KAZN: variants seen among roughly 807,000 people sequenced by gnomAD.
The protein encoded by KAZN is kazrin.
A neutral mutation model predicts 87.4 loss-of-function variants in KAZN; 40 were observed. That is an observed-to-expected ratio of 0.46 (90% confidence interval 0.36 to 0.60). The LOEUF (loss-of-function observed/expected upper bound fraction) is 0.60. KAZN is among the 20% of genes least tolerant of loss of function. The pLI is 0.00. For missense variants in KAZN, 898 were observed against 1,073.9 expected (o/e 0.84, Z 2.29); for synonymous variants, 466 against 458.3 (o/e 1.02, Z -0.22).
intron 1 of KAZN, among the ~76,000 whole-genome samples, chr1:14,654,963 TG>T (rs1638694357): frequency 6.6e-6 from 1 of 152,164 alleles, no homozygotes; most frequent in African/African-American, 2.4e-5. Context: ...CAAGAGTAGC[TG>T]GGGGGCCCAC....
intron 1 of KAZN, among the ~76,000 whole-genome samples, chr1:14,702,068 A>C (rs1319568703): frequency 6.6e-6 from 1 of 152,114 alleles, no homozygotes; most frequent in Non-Finnish European, 1.5e-5. Context: ...ATATGAGTAC[A>C]TGGGTCTGCT....
intron 1 of KAZN, among the ~76,000 whole-genome samples, chr1:14,909,202 C>T (rs1656959496): frequency 6.6e-6 from 1 of 152,176 alleles, no homozygotes; most frequent in African/African-American, 2.4e-5. Context: ...GGTTTGGCGG[C>T]ACATGGTAAG....
intron 2 of KAZN, among the ~76,000 whole-genome samples, chr1:14,442,420 T>C (rs1388887112): frequency 6.6e-6 from 1 of 152,178 alleles, no homozygotes; most frequent in Non-Finnish European, 1.5e-5. Flanking sequence ...TCATAGAAGC[T>C]CACTATGCCC....
intron 1 of KAZN, among the ~76,000 whole-genome samples, chr1:14,940,929 T>C (rs1367016363): frequency 1.9e-3 from 224 of 116,932 alleles, no homozygotes; most frequent in African/African-American, 7.2e-3. Flanking sequence ...TTTTTTTTTT[T>C]CTGAGAGACG....
At chr1:15,108,459 G>A (rs376883162) in intron 13 of KAZN, among the ~76,000 whole-genome samples, 20 of 152,182 alleles carry the variant, frequency 1.3e-4, no homozygotes, top group African/African-American at 4.6e-4. Context: ...TCTGAGCCAC[G>A]GTTTTTTCAG....
intron 2 of KAZN, among the ~76,000 whole-genome samples, chr1:14,974,551 A>G (rs1015649019): frequency 6.6e-6 from 1 of 152,212 alleles, no homozygotes; most frequent in African/African-American, 2.4e-5. Flanking sequence ...TTTAATAGCC[A>G]AAAACTGGAA....
At chr1:13,997,007 A>G (rs193301757) in intron 1 of KAZN, among the ~76,000 whole-genome samples, 2 of 152,318 alleles carry the variant, frequency 1.3e-5, no homozygotes, top group African/African-American at 4.8e-5. Flanking sequence ...AGGAGCAGGC[A>G]CCTGCCTTTG....
intron 5 of KAZN, among the ~76,000 whole-genome samples, chr1:15,058,142 C>G (rs1638469584): frequency 6.6e-6 from 1 of 152,230 alleles, no homozygotes; most frequent in African/African-American, 2.4e-5. Flanking sequence ...GCTGTTGATG[C>G]ATTTGTCACA....
intron 2 of KAZN, among the ~76,000 whole-genome samples, chr1:14,444,970 T>A (rs1241630148): frequency 6.6e-6 from 1 of 151,942 alleles, no homozygotes; most frequent in Admixed American, 6.6e-5. Flanking sequence ...GAGAAAGAGG[T>A]CTTTAATCAA....
chr1:14,971,771 T>C (rs1223241351), intron 2 of KAZN, among the ~76,000 whole-genome samples: 1 of 141,534 alleles, frequency 7.1e-6, no homozygotes, highest in East Asian at 2.3e-4. Context: ...AAGCTCCGCC[T>C]CCCGGGTTCA....
chr1:14,523,937 G>A (rs1471794497), intron 2 of KAZN, among the ~76,000 whole-genome samples: 1 of 152,238 alleles, frequency 6.6e-6, no homozygotes, highest in African/African-American at 2.4e-5. Flanking sequence ...AGCTAAGGGA[G>A]AGCGAGGTGT....
At chr1:14,540,140 T>C (rs1571891860) in intron 2 of KAZN, among the ~76,000 whole-genome samples, 1 of 152,158 alleles carries the variant, frequency 6.6e-6, no homozygotes, top group East Asian at 1.9e-4. Flanking sequence ...TCACTTCACT[T>C]TATCATCCCC....
intron 2 of KAZN, among the ~76,000 whole-genome samples, chr1:14,361,344 A>G: frequency 6.6e-6 from 1 of 152,214 alleles, no homozygotes; most frequent in East Asian, 1.9e-4. Context: ...GAGAATTTCA[A>G]GCCAGTGGAT....
chr1:15,021,507 C>G lies in KAZN; in HGVS notation c.419-13242C>G, dbSNP rs548229757. ...CCCAGTCCCGGCCCCTCCCATTTCC[C>G]TCCTGCTGGTATACCTTGGCCTCCT... On this transcript the variant is annotated intron_variant, in intron 2 of 14. Transcript: ENST00000376030. The surrounding 1 kb of genome is among the most constrained non-coding windows in gnomAD (Gnocchi z 4.2). Among the ~76,000 whole-genome samples, 1 of 152,324 alleles carries G rather than the reference C, an allele frequency of 6.6e-6. No homozygotes were observed. Among genetic ancestry groups the G allele is most frequent in the East Asian group, 1.9e-4 (1 of 5,170 alleles).
rs79798081 is a variant in KAZN at position 13,994,349 on chromosome 1, C to G, written c.91+100593C>G. Among the ~76,000 whole-genome samples the G allele has an allele frequency of 4.2e-3, 646 of 152,318 alleles. 3 individuals carry two copies. The highest frequency in any genetic ancestry group is 0.015 in the African/African-American group (626 of 41,560). On this transcript the variant is annotated intron_variant, in intron 1 of 16. Coordinates refer to the KAZN transcript ENST00000636203. ...GGGACCAGAAAAGTAGAGAATTGTT[C>G]ACATTCATCAAAAGTTGACTCATGT...
intron 1 of KAZN, among the ~76,000 whole-genome samples, chr1:14,957,918 TG>T (rs1446242052): frequency 6.6e-6 from 1 of 152,182 alleles, no homozygotes; most frequent in East Asian, 1.9e-4. Flanking sequence ...TAGGAGGAGC[TG>T]GGAGGGCAGG....
intron 8 of KAZN, among the ~76,000 whole-genome samples, chr1:15,074,511 A>G (rs1431757802): frequency 6.6e-6 from 1 of 152,152 alleles, no homozygotes; most frequent in Non-Finnish European, 1.5e-5. Flanking sequence ...GAGGGGCAGT[A>G]TGAGACCCTC....
rs147107537 is a variant in KAZN, at chr1:13,927,800, G to A, written c.91+34044G>A. ...AGAGAGGAAACTGGATGTGTGGAGCGGAAGAGACACAAGTACAGGGTGCTC... is the reference window on the plus strand; with the variant it reads ...AGAGAGGAAACTGGATGTGTGGAGCAGAAGAGACACAAGTACAGGGTGCTC... On this transcript the variant is annotated intron_variant, in intron 1 of 16. Coordinates refer to the KAZN transcript ENST00000636203. Among the ~76,000 whole-genome samples, 792 of 152,306 alleles carry A rather than the reference G, an allele frequency of 5.2e-3. 6 individuals are homozygous for A. Among genetic ancestry groups the A allele is most frequent in the Non-Finnish European group, 6.4e-3 (436 of 68,036 alleles).
chr1:14,848,313 G>A (rs1381991483), intron 1 of KAZN, among the ~76,000 whole-genome samples: 2 of 152,148 alleles, frequency 1.3e-5, no homozygotes, highest in Non-Finnish European at 2.9e-5. Flanking sequence ...CAGAGTTAAG[G>A]AGACTCAGTT....
Sources: allele counts gnomAD v4.1 joint callset (sites outside exome capture counted in the v4.1 genomes callset), GRCh38; gene constraint gnomAD v4.1.1; non-coding constraint Gnocchi (gnomAD v3.1); transcripts MANE v1.5; gene names NCBI Gene and HGNC (gene_info 2026-07-23, HGNC 2026-07-21).